NTM: variants seen among roughly 807,000 people sequenced by gnomAD.
The protein encoded by NTM is neurotrimin.
A neutral mutation model predicts 42.1 loss-of-function variants in NTM; 13 were observed. The ratio of observed to expected loss-of-function variants is 0.31; its 90% CI spans 0.20 to 0.49. The LOEUF is 0.49. Among genes scored for constraint, NTM ranks in the 20% least tolerant of loss-of-function variants. The pLI is 0.99. For missense variants in NTM, 373 were observed against 452.8 expected, an observed-to-expected ratio of 0.82 and a Z score of 1.60; for synonymous variants, 187 against 179.2, an observed-to-expected ratio of 1.04 and a Z score of -0.35.
intron 1 of NTM, among the ~76,000 whole-genome samples, chr11:131,595,930 C>T (rs922658594): frequency 8.5e-5 from 13 of 152,198 alleles, no homozygotes; most frequent in Non-Finnish European, 1.2e-4. Context: ...ACATAAAATA[C>T]GGGAGCCCAT....
chr11:131,886,417 C>A (rs974352702), intron 1 of NTM, among the ~76,000 whole-genome samples: 1 of 151,596 alleles, frequency 6.6e-6, no homozygotes, highest in Non-Finnish European at 1.5e-5. Flanking sequence ...GGAGCCTCTT[C>A]CCCGTTCCCC....
intron 1 of NTM, among the ~76,000 whole-genome samples, chr11:131,841,934 C>T (rs1266697566): frequency 6.6e-6 from 1 of 152,182 alleles, no homozygotes; most frequent in Non-Finnish European, 1.5e-5. Flanking sequence ...CAAGAGATGC[C>T]CAACAGCCAT....
chr11:131,846,388 C>T (rs183568650), intron 1 of NTM, among the ~76,000 whole-genome samples: 3 of 151,840 alleles, frequency 2.0e-5, no homozygotes, highest in African/African-American at 7.3e-5. Flanking sequence ...CAAATTATTC[C>T]TTTGTTTTAT....
chr11:132,214,481 G>A (rs757846248), intron 4 of NTM, among the ~76,000 whole-genome samples: 2 of 151,940 alleles, frequency 1.3e-5, no homozygotes, highest in Non-Finnish European at 2.9e-5. Flanking sequence ...TTTTTGTCCT[G>A]CCATTTTATG....
chr11:131,776,192 A>G (rs192547108), intron 1 of NTM, among the ~76,000 whole-genome samples: 2 of 152,350 alleles, frequency 1.3e-5, no homozygotes, highest in Non-Finnish European at 2.9e-5. Context: ...GAGAAATTTT[A>G]GTAGACATTT....
intron 1 of NTM, chr11:131,660,907 T>C (rs1413375855): frequency 1.5e-6 from 2 of 1,291,928 alleles, no homozygotes; most frequent in Non-Finnish European, 2.0e-6. Context: ...TGCATGGCTT[T>C]CTCTTCTGTC....
intron 1 of NTM, among the ~76,000 whole-genome samples, chr11:131,887,907 AAC>A (rs1159497383): frequency 6.6e-6 from 1 of 152,200 alleles, no homozygotes; most frequent in Non-Finnish European, 1.5e-5. Context: ...CAGATGAGAA[AAC>A]CAAGGCAAGA....
chr11:132,246,378 G>A (rs2091165408), intron 4 of NTM, among the ~76,000 whole-genome samples: 1 of 152,206 alleles, frequency 6.6e-6, no homozygotes, highest in Non-Finnish European at 1.5e-5. Flanking sequence ...CAACAGCCCA[G>A]TGAAACAGCA....
intron 7 of NTM, among the ~76,000 whole-genome samples, chr11:132,326,877 A>G (rs1370282708): frequency 6.6e-6 from 1 of 152,182 alleles, no homozygotes; most frequent in East Asian, 1.9e-4. Context: ...TACTTACCTT[A>G]CCTCAGAAAT....
At chr11:132,099,266 A>T (rs901116938) in intron 2 of NTM, among the ~76,000 whole-genome samples, 1 of 152,202 alleles carries the variant, frequency 6.6e-6, no homozygotes, top group Non-Finnish European at 1.5e-5. Flanking sequence ...GTCTGCTGAG[A>T]ATTAGAATCA....
At chr11:131,693,568 G>T (rs1451858270) in intron 1 of NTM, among the ~76,000 whole-genome samples, 1 of 152,146 alleles carries the variant, frequency 6.6e-6, no homozygotes, top group East Asian at 1.9e-4. Context: ...ATTACCTGAG[G>T]GGAGGTGACA....
At chr11:131,789,164 C>G (rs1237919138) in intron 1 of NTM, among the ~76,000 whole-genome samples, 2 of 151,942 alleles carry the variant, frequency 1.3e-5, no homozygotes, top group African/African-American at 2.4e-5. Flanking sequence ...TATGTTTCTT[C>G]TAGCTTCCTG....
At chr11:132,058,683 G>T (rs1320670750) in intron 2 of NTM, among the ~76,000 whole-genome samples, 1 of 152,178 alleles carries the variant, frequency 6.6e-6, no homozygotes, top group East Asian at 1.9e-4. Context: ...GAAAGGAAGA[G>T]AAGATTTTAT....
chr11:131,486,834 T>G (rs1261300526), intron 1 of NTM, among the ~76,000 whole-genome samples: 5 of 152,196 alleles, frequency 3.3e-5, no homozygotes, highest in African/African-American at 1.2e-4. Context: ...CTCTCAAAGA[T>G]TCTTTTTCCT....
At chr11:131,673,346 A>G (rs873798) in intron 1 of NTM, among the ~76,000 whole-genome samples, 6,157 of 152,160 alleles carry the variant, frequency 0.04, 416 homozygotes, top group African/African-American at 0.14. Flanking sequence ...TAGAGGACAA[A>G]GGAGGCTGGT....
chr11:132,265,531 T>A (rs1158986117), intron 4 of NTM, among the ~76,000 whole-genome samples: 1 of 152,298 alleles, frequency 6.6e-6, no homozygotes, highest in South Asian at 2.1e-4. Context: ...TTTGGATTCT[T>A]CCCTTGCATA....
chr11:131,683,711 C>T lies in NTM; in HGVS notation c.83-227853C>T, dbSNP rs558157216. 9.0e-4 allele frequency among the ~76,000 whole-genome samples: 137 copies of T among 152,296 alleles called. 2 individuals carry two copies. In the South Asian group the frequency reaches 0.021, roughly 24 times the overall value. On this transcript the variant is annotated intron_variant, in intron 1 of 8. Coordinates refer to ENST00000683400, the MANE Select transcript of NTM (RefSeq NM_001352005.2). Reference sequence around the variant, plus strand: ...CACGAGTGAGGCGACCTGATCCCCACGTCAGCATTCATGCTCATATTTTGG... The same window carrying T: ...CACGAGTGAGGCGACCTGATCCCCATGTCAGCATTCATGCTCATATTTTGG...
At chr11:131,748,997 A>T (rs2082159998) in intron 1 of NTM, among the ~76,000 whole-genome samples, 1 of 152,218 alleles carries the variant, frequency 6.6e-6, no homozygotes, top group Non-Finnish European at 1.5e-5. Flanking sequence ...AAAAGAAAGG[A>T]CATAGAGTAG....
intron 3 of NTM, among the ~76,000 whole-genome samples, chr11:132,185,871 T>G (rs1385754872): frequency 6.6e-6 from 1 of 152,112 alleles, no homozygotes; most frequent in Non-Finnish European, 1.5e-5. Context: ...TTCTTTAACG[T>G]TGACCCTGCT....
Sources: gnomAD v4.1 joint callset for allele counts (sites outside exome capture counted in the v4.1 genomes callset) on GRCh38, gnomAD v4.1.1 for gene constraint, MANE v1.5 for transcripts, NCBI Gene and HGNC (gene_info 2026-07-23, HGNC 2026-07-21) for gene names.